Variants in PPIG observed in about 807,000 individuals in gnomAD.
PPIG encodes peptidyl-prolyl cis-trans isomerase G.
PPIG carries 26 observed loss-of-function variants against 87.9 expected under a neutral mutation model. The observed-to-expected ratio is 0.30, with a 90% CI of 0.22 to 0.41. The LOEUF is 0.41. Among genes scored for constraint, PPIG ranks in the 10% least tolerant of loss-of-function variants. The pLI is 1.00. For synonymous variants in PPIG, 308 were observed against 276.5 expected (o/e 1.11, Z -1.13); for missense variants, 722 against 879.4 (o/e 0.82, Z 2.26).
intron 6 of PPIG, among the ~76,000 whole-genome samples, chr2:169,608,249 G>C (rs1685385188): frequency 6.6e-6 from 1 of 151,912 alleles, no homozygotes; most frequent in Non-Finnish European, 1.5e-5. Context: ...CCAGCACTTT[G>C]GGAGGCCGAG....
chr2:169,606,591 C>CAAAAAAAAAAAAAAAAAAAAA (rs71006009), intron 5 of PPIG, among the ~76,000 whole-genome samples: 10 of 85,012 alleles, frequency 1.2e-4, no homozygotes, highest in South Asian at 3.6e-4. Context: ...GACTCTGTCT[C>CAAAAAAAAAAAAAAAAAAAAA]AAAAAAAAAA....
At chr2:169,605,572 G>A (rs1324362832) in intron 4 of PPIG, among the ~76,000 whole-genome samples, 3 of 151,898 alleles carry the variant, frequency 2.0e-5, no homozygotes, top group Non-Finnish European at 4.4e-5. Context: ...AGGCCGAGGT[G>A]GGTGGATCAC....
rs1383429884 is a variant in PPIG, at chr2:169,584,434, G to C, written c.-126G>C. ...TTTAGCGCCTTTTCTGGCGGCGGTA[G>C]ATTTGAAGCGCTTCAAAGGACCGGA... On this transcript the variant is annotated 5_prime_UTR_variant, in exon 1 of 14. Transcript: ENST00000260970. 1 of 471,090 alleles carries C rather than the reference G, an allele frequency of 2.1e-6. No individual in the cohort carries two copies. Among genetic ancestry groups the C allele is most frequent in the Admixed American group, 2.3e-5 (1 of 42,578 alleles). The allele number at this position is 471,090 out of a possible 1,614,324, so 29.2% of individuals were successfully genotyped here.
At position 169,606,023 on chromosome 2, in the gene PPIG, T is replaced by C; in HGVS notation, c.137-16T>C. On this transcript the variant is annotated splice_polypyrimidine_tract_variant and intron_variant, in intron 4 of 13. Transcript: ENST00000260970. The stretch of plus-strand genomic sequence containing the variant: ...ATTTCCTTTCTATTAAATGTCCTAT[T>C]TTTTTATCTCTATAGGTGAAAAGGG... 1 of 1,561,284 alleles carries C rather than the reference T, an allele frequency of 6.4e-7. No individual in the cohort carries two copies. Among genetic ancestry groups the C allele is most frequent in the Non-Finnish European group, 8.8e-7 (1 of 1,136,816 alleles).
intron 1 of PPIG, among the ~76,000 whole-genome samples, chr2:169,597,071 A>C (rs1685040079): frequency 6.6e-6 from 1 of 152,230 alleles, no homozygotes; most frequent in East Asian, 1.9e-4. Flanking sequence ...TATTGTAAAT[A>C]GTGCTGCAAT....
intron 10 of PPIG, chr2:169,631,287 G>GT: frequency 6.5e-6 from 2 of 309,540 alleles, no homozygotes; most frequent in Non-Finnish European, 1.2e-5. Context: ...AAAACCACCA[G>GT]TTGTTTTTCC....
chr2:169,595,729 A>G (rs931585024), intron 1 of PPIG, among the ~76,000 whole-genome samples: 27 of 152,320 alleles, frequency 1.8e-4, no homozygotes, highest in Admixed American at 1.6e-3. Context: ...ATGTTGTTAC[A>G]AATAACAGGA....
chr2:169,597,972 A>C (rs767159165), intron 1 of PPIG, among the ~76,000 whole-genome samples: 12 of 149,396 alleles, frequency 8.0e-5, no homozygotes, highest in Non-Finnish European at 1.3e-4. Flanking sequence ...AAGTGCTGGG[A>C]TTATAAGCAT....
chr2:169,621,670 T>A (rs1685755981), intron 9 of PPIG, among the ~76,000 whole-genome samples: 1 of 152,142 alleles, frequency 6.6e-6, no homozygotes, highest in Non-Finnish European at 1.5e-5. Flanking sequence ...TATTTTAGGT[T>A]AAGGCATTAT....
intron 9 of PPIG, among the ~76,000 whole-genome samples, chr2:169,618,676 A>T (rs1286313087): frequency 6.6e-6 from 1 of 152,052 alleles, no homozygotes; most frequent in Non-Finnish European, 1.5e-5. Flanking sequence ...GGTAGTCTGT[A>T]TTTCTATGGG....
chr2:169,606,634 T>TG (rs1164256783), intron 5 of PPIG, among the ~76,000 whole-genome samples: 2 of 142,824 alleles, frequency 1.4e-5, no homozygotes, highest in African/African-American at 5.2e-5. Flanking sequence ...AAAATAATTT[T>TG]GCCTTTGACA....
intron 1 of PPIG, among the ~76,000 whole-genome samples, chr2:169,594,934 T>C (rs1490118402): frequency 6.6e-6 from 1 of 151,746 alleles, no homozygotes; most frequent in Non-Finnish European, 1.5e-5. Flanking sequence ...TTTATTTTAT[T>C]TTATTTTATT....
At chr2:169,599,721 T>C (rs773109002) in intron 1 of PPIG, among the ~76,000 whole-genome samples, 1 of 152,126 alleles carries the variant, frequency 6.6e-6, no homozygotes, top group Non-Finnish European at 1.5e-5. Flanking sequence ...AGTGAAAGGT[T>C]TTGGTTGTCA....
chr2:169,598,482 G>A (rs143233047), intron 1 of PPIG, among the ~76,000 whole-genome samples: 3,168 of 152,028 alleles, frequency 0.021, 109 homozygotes, highest in African/African-American at 0.071. Flanking sequence ...TAGGGGAGAC[G>A]GGGTTTCACC....
chr2:169,626,378 CAAAAG>C (rs1685888216), intron 9 of PPIG, among the ~76,000 whole-genome samples: 2 of 152,162 alleles, frequency 1.3e-5, no homozygotes, highest in South Asian at 4.2e-4. Context: ...TGCCAAATAT[CAAAAG>C]AGAGGAACTT....
chr2:169,603,213 A>G (rs938181580), intron 1 of PPIG, among the ~76,000 whole-genome samples: 1 of 152,176 alleles, frequency 6.6e-6, no homozygotes, highest in African/African-American at 2.4e-5. Flanking sequence ...TACTATTTAC[A>G]CTTAGTGCCT....
At chr2:169,598,873 A>C (rs1350181862) in intron 1 of PPIG, among the ~76,000 whole-genome samples, 3 of 149,558 alleles carry the variant, frequency 2.0e-5, no homozygotes, top group Middle Eastern at 3.5e-3. Context: ...ATATTTATAT[A>C]AATACAGGTA....
In PPIG at chr2:169,614,659, C is replaced by T; in HGVS notation, c.482C>T (p.Ala161Val). Residue 161 changes from alanine to valine, a missense_variant, in exon 9 of 14, where the codon GCA becomes GTA. By Grantham distance (64) the Ala-to-Val change is moderately conservative. Transcript: ENST00000260970. ...VREIENQKTDAASKPFAEVRI... is the reference protein window; with the variant it reads ...VREIENQKTDVASKPFAEVRI... ...GAGATTGAAAACCAGAAAACAGATG[C>T]AGCTAGCAAACCGTTTGCGGAGGTA... 6.2e-7 allele frequency: 1 copy of T among 1,612,816 alleles called. No homozygotes were observed. Among genetic ancestry groups the T allele is most frequent in the South Asian group, 1.1e-5 (1 of 90,932 alleles).
Position 169,641,341 on chromosome 2 carries a change from G to A in PPIG, c.*3818G>A, listed in dbSNP as rs1288213387. On this transcript the variant is annotated 3_prime_UTR_variant, in exon 14 of 14. Coordinates refer to ENST00000260970, the MANE Select transcript of PPIG (RefSeq NM_004792.3). ...TCTGCAAACTGCATTTTACAAAATTGAAACTTGGAAGCTGTATTAACTTTT... is the reference window on the plus strand; with the variant it reads ...TCTGCAAACTGCATTTTACAAAATTAAAACTTGGAAGCTGTATTAACTTTT... 6.6e-6 allele frequency: 1 copy of A among 152,046 alleles called. No homozygotes were observed. Among genetic ancestry groups the A allele is most frequent in the Non-Finnish European group, 1.5e-5 (1 of 68,014 alleles). 9.4% of individuals were successfully genotyped at this position (152,046 alleles called of 1,614,324 possible). A position where few individuals can be genotyped will look rare whatever the true frequency, so the allele number is the denominator to read the frequency against.
Sources: gnomAD v4.1 joint callset for allele counts (sites outside exome capture counted in the v4.1 genomes callset) on GRCh38, gnomAD v4.1.1 for gene constraint, MANE v1.5 for transcripts, NCBI Gene and HGNC (gene_info 2026-07-23, HGNC 2026-07-21) for gene names.